VAT1L: variants seen among roughly 807,000 people sequenced by gnomAD.
VAT1L encodes vesicle amine transport 1 like.
In VAT1L, 34 loss-of-function variants were observed where a neutral mutation model predicts 44.1. The ratio of observed to expected loss-of-function variants is 0.77; its 90% CI spans 0.59 to 1.03. The LOEUF is 1.03. Among genes scored for constraint, VAT1L ranks in the 50% least tolerant of loss-of-function variants. The pLI, the probability that VAT1L is intolerant of heterozygous loss-of-function variation, is 0.00. For missense variants in VAT1L, 615 were observed against 538.8 expected (o/e 1.14, Z -1.40); for synonymous variants, 253 against 202.2 (o/e 1.25, Z -2.13).
chr16:77,826,308 C>T (rs2016522993), intron 3 of VAT1L, among the ~76,000 whole-genome samples: 1 of 151,994 alleles, frequency 6.6e-6, no homozygotes, highest in South Asian at 2.1e-4. Flanking sequence ...TCATCTACTA[C>T]TGCTATTATT....
At chr16:77,803,522 C>T (rs1341653298) in intron 1 of VAT1L, among the ~76,000 whole-genome samples, 1 of 147,712 alleles carries the variant, frequency 6.8e-6, no homozygotes, top group African/African-American at 2.5e-5. Flanking sequence ...TGGGTTCAGG[C>T]CATTCTCCTG....
chr16:77,870,204 G>C (rs2017016891), intron 4 of VAT1L, among the ~76,000 whole-genome samples: 1 of 152,182 alleles, frequency 6.6e-6, no homozygotes, highest in Admixed American at 6.6e-5. Flanking sequence ...CGTAGAGTAG[G>C]CATTGTGTCC....
intron 7 of VAT1L, among the ~76,000 whole-genome samples, chr16:77,951,359 A>G (rs111504714): frequency 0.017 from 2,490 of 150,604 alleles, 35 homozygotes; most frequent in Non-Finnish European, 0.028. Context: ...CAGCCTGGGC[A>G]ATATGGTGAA....
chr16:77,857,708 T>A (rs1199137324), intron 3 of VAT1L, among the ~76,000 whole-genome samples: 1 of 150,320 alleles, frequency 6.7e-6, no homozygotes. Flanking sequence ...ACATCATGGC[T>A]ATATATATTA....
At chr16:77,952,056 G>A (rs929064243) in intron 7 of VAT1L, among the ~76,000 whole-genome samples, 2 of 152,138 alleles carry the variant, frequency 1.3e-5, no homozygotes. Flanking sequence ...TGGTGCTTAT[G>A]GAAGTTAGGC....
chr16:77,826,142 G>C (rs528691357), intron 3 of VAT1L, among the ~76,000 whole-genome samples: 117 of 149,418 alleles, frequency 7.8e-4, no homozygotes, highest in African/African-American at 2.7e-3. Flanking sequence ...GGGAGGCAGA[G>C]CTTGCAGTGA....
intron 4 of VAT1L, among the ~76,000 whole-genome samples, chr16:77,873,673 C>G (rs898691331): frequency 2.0e-5 from 3 of 152,088 alleles, no homozygotes; most frequent in Non-Finnish European, 2.9e-5. Context: ...AAAAGTATCT[C>G]CAGTGTAGAC....
At chr16:77,869,562 G>A (rs1416596423) in intron 4 of VAT1L, among the ~76,000 whole-genome samples, 3 of 152,158 alleles carry the variant, frequency 2.0e-5, no homozygotes, top group Non-Finnish European at 4.4e-5. Flanking sequence ...CCAGCTACTT[G>A]GGAGGCTGAG....
At chr16:77,924,870 C>A (rs2017649309) in intron 7 of VAT1L, among the ~76,000 whole-genome samples, 1 of 152,122 alleles carries the variant, frequency 6.6e-6, no homozygotes, top group Admixed American at 6.5e-5. Context: ...ATTACCTAAG[C>A]CCTGGGTAGA....
At chr16:77,914,582 T>C (rs1423170260) in intron 7 of VAT1L, among the ~76,000 whole-genome samples, 1 of 152,216 alleles carries the variant, frequency 6.6e-6, no homozygotes. Flanking sequence ...TTACTGAAGC[T>C]GAAAGAGGTT....
intron 3 of VAT1L, among the ~76,000 whole-genome samples, chr16:77,858,011 C>T (rs369311442): frequency 1.3e-5 from 2 of 152,240 alleles, no homozygotes; most frequent in African/African-American, 2.4e-5. Context: ...ACACTCAACT[C>T]CTCCAGTTTC....
rs776850450 is a variant in VAT1L at position 77,917,852 on chromosome 16, C to T, written c.1077+33050C>T. On this transcript the variant is annotated intron_variant, in intron 7 of 8. Coordinates refer to ENST00000302536, the MANE Select transcript of VAT1L (RefSeq NM_020927.3). ...ATGATTTACAAGGATTCTGAATCCCCAGACCTCCCTGGTCTTTGCTTAGGG... is the reference window on the plus strand; with the variant it reads ...ATGATTTACAAGGATTCTGAATCCCTAGACCTCCCTGGTCTTTGCTTAGGG... 4.1e-4 allele frequency among the ~76,000 whole-genome samples: 62 copies of T among 152,280 alleles called. 1 individual carries two copies. Among genetic ancestry groups the T allele is most frequent in the Non-Finnish European group, 2.1e-4 (14 of 68,014 alleles).
intron 7 of VAT1L, among the ~76,000 whole-genome samples, chr16:77,940,231 T>C (rs1323627072): frequency 6.6e-6 from 1 of 152,106 alleles, no homozygotes; most frequent in African/African-American, 2.4e-5. Flanking sequence ...ATTTCCACCA[T>C]GGCCAATTTC....
chr16:77,825,254 C>A lies in VAT1L; in HGVS notation c.372C>A (p.Asp124Glu). 1.9e-6 allele frequency: 3 copies of A among 1,614,060 alleles called. No individual in the cohort carries two copies. The highest frequency in any genetic ancestry group is 2.5e-6 in the Non-Finnish European group (3 of 1,180,030). ...TGTTTCCCCATGCCCAGATTGGAGA[C>A]CGTGTCATGGCATTTGTCAATTACA... ...GDSVKGYEIG[D>E]RVMAFVNYNA... Residue 124 changes from aspartate to glutamate, a missense_variant, in exon 3 of 9, where the codon GAC (aspartate) becomes GAA (glutamate). Transcript: ENST00000302536.
chr16:77,807,734 G>A (rs933493293), intron 1 of VAT1L, among the ~76,000 whole-genome samples: 2 of 152,068 alleles, frequency 1.3e-5, no homozygotes, highest in Non-Finnish European at 2.9e-5. Context: ...GAGGTACTCT[G>A]TTTTACATAT....
intron 1 of VAT1L, among the ~76,000 whole-genome samples, chr16:77,814,872 C>A (rs537965198): frequency 6.6e-6 from 1 of 152,124 alleles, no homozygotes; most frequent in Non-Finnish European, 1.5e-5. Context: ...TAAAATATAT[C>A]ACATACTTCT....
intron 7 of VAT1L, among the ~76,000 whole-genome samples, chr16:77,962,066 A>G (rs1412482741): frequency 6.6e-6 from 1 of 151,910 alleles, no homozygotes; most frequent in Non-Finnish European, 1.5e-5. Flanking sequence ...TGTCATACCC[A>G]CATCCTAATT....
intron 7 of VAT1L, among the ~76,000 whole-genome samples, chr16:77,962,523 T>C (rs531028601): frequency 1.3e-5 from 2 of 152,170 alleles, no homozygotes; most frequent in East Asian, 1.9e-4. Context: ...CAGAACCCAG[T>C]TGGAGTCCCC....
At chr16:77,937,173 G>C in intron 7 of VAT1L, among the ~76,000 whole-genome samples, 1 of 152,242 alleles carries the variant, frequency 6.6e-6, no homozygotes, top group Middle Eastern at 3.4e-3. Flanking sequence ...GAGCCACCGC[G>C]TCCTGCCCAA....
Sources: gnomAD v4.1 joint callset for allele counts (sites outside exome capture counted in the v4.1 genomes callset) on GRCh38, gnomAD v4.1.1 for gene constraint, MANE v1.5 for transcripts, NCBI Gene and HGNC (gene_info 2026-07-23, HGNC 2026-07-21) for gene names.